AKR1E2: variants seen among roughly 807,000 people sequenced by gnomAD.
AKR1E2 encodes the protein 1,5-anhydro-D-fructose reductase.
A neutral mutation model predicts 41.9 loss-of-function variants in AKR1E2; 43 were observed. The observed-to-expected ratio is 1.03, with a 90% confidence interval of 0.80 to 1.32. AKR1E2 has a LOEUF of 1.32. Ranked by LOEUF, AKR1E2 falls within the 40% of genes most tolerant of loss-of-function variation. AKR1E2 has a pLI of 0.00. For synonymous variants in AKR1E2, 121 were observed against 138.9 expected (o/e 0.87, Z 0.91); for missense variants, 423 against 396.5 (o/e 1.07, Z -0.57).
At chr10:4,848,820 G>T (rs532135407), downstream of AKR1E2, among the ~76,000 whole-genome samples, 98 of 152,338 alleles carry the variant, frequency 6.4e-4, no homozygotes, top group African/African-American at 2.3e-3. Flanking sequence ...CTAGCTCTGT[G>T]ATCCTGAGCA....
chr10:4,839,648 C>T (rs1833711489), intron 5 of AKR1E2, 81 bp from the exon 6 acceptor site: 1 of 1,341,798 alleles, frequency 7.5e-7, no homozygotes, highest in Admixed American at 1.7e-5. Flanking sequence ...ACAGCCAAGA[C>T]TTTGACGCAG....
downstream of AKR1E2, among the ~76,000 whole-genome samples, chr10:4,848,697 G>A (rs1487308010): frequency 2.0e-5 from 3 of 152,288 alleles, no homozygotes; most frequent in African/African-American, 7.2e-5. Flanking sequence ...CCCAGTGGCT[G>A]AAGGGGACTG....
chr10:4,870,074 C>G, the AKR1E2 span, among the ~76,000 whole-genome samples: 5 of 152,102 alleles, frequency 3.3e-5, no homozygotes, highest in African/African-American at 1.2e-4. Flanking sequence ...TTGATTAATA[C>G]ATAGCATTTT....
chr10:4,837,401 G>A (rs566768932), intron 4 of AKR1E2, 58 bp from the exon 5 acceptor site: 12 of 1,592,448 alleles, frequency 7.5e-6, no homozygotes, highest in African/African-American at 4.0e-5. Flanking sequence ...GCTGAGGGAC[G>A]TAGATTGTCA....
downstream of AKR1E2, among the ~76,000 whole-genome samples, chr10:4,852,330 G>A (rs1311179388): frequency 6.6e-6 from 1 of 152,174 alleles, no homozygotes; most frequent in Non-Finnish European, 1.5e-5. Flanking sequence ...TCAAAGAGCT[G>A]AAGAGCATGA....
In AKR1E2 at chr10:4,847,339, A is replaced by T. The variant is rs1834408526; in HGVS notation, c.920+109A>T. ...CATTTTAGATTAATTAAACTTTCTCATTATAATTCTTTCCTGTTTGAAGAT... is the reference window on the plus strand; with the variant it reads ...CATTTTAGATTAATTAAACTTTCTCTTTATAATTCTTTCCTGTTTGAAGAT... On this transcript the variant is annotated intron_variant, in intron 9 of 9. Transcript: ENST00000298375. 3.9e-6 allele frequency: 6 copies of T among 1,556,698 alleles called. No homozygotes were observed. In the African/African-American group the frequency reaches 6.9e-5, roughly 18 times the overall value.
chr10:4,842,573 T>C (rs1489561771), intron 8 of AKR1E2, 69 bp downstream of exon 8: 1 of 1,430,916 alleles, frequency 7.0e-7, no homozygotes, highest in Non-Finnish European at 9.8e-7. Flanking sequence ...ATGACTGCTG[T>C]AGCATACAGC....
At chr10:4,866,914 G>C in the AKR1E2 span, among the ~76,000 whole-genome samples, 12 of 152,286 alleles carry the variant, frequency 7.9e-5, no homozygotes, top group South Asian at 2.5e-3. Context: ...GATCCATCAA[G>C]TGCAGGATCT....
upstream of AKR1E2, among the ~76,000 whole-genome samples, chr10:4,825,809 A>G (rs1832434295): frequency 6.6e-6 from 1 of 152,196 alleles, no homozygotes; most frequent in Non-Finnish European, 1.5e-5. Context: ...TGGCCCGGCC[A>G]TGGCGAGGCC....
the AKR1E2 span, among the ~76,000 whole-genome samples, chr10:4,861,194 A>G: frequency 2.0e-5 from 3 of 152,206 alleles, no homozygotes; most frequent in East Asian, 1.9e-4. Context: ...TATCATTTTA[A>G]CAACAAAATC....
At chr10:4,828,311 A>G (rs1832706307) in intron 1 of AKR1E2, among the ~76,000 whole-genome samples, 1 of 152,288 alleles carries the variant, frequency 6.6e-6, no homozygotes. Flanking sequence ...GCTGAAGCAC[A>G]AGAGAGCAAG....
rs932643145 is a variant in AKR1E2 at position 4,830,856 on chromosome 10, A to G, written c.207+14A>G. ...ATTGCCACTAAGGTAGGGCTTCTCT[A>G]TGCAAGGCTGGCAGAGCTTGGGTAA... On this transcript the variant is annotated intron_variant, in intron 2 of 9. Transcript: ENST00000298375. The G allele has an allele frequency of 3.7e-6, 6 of 1,613,656 alleles. No individual in the cohort carries two copies. Among genetic ancestry groups the G allele is most frequent in the Admixed American group, 3.3e-5 (2 of 59,992 alleles).
chr10:4,866,332 TTTAAA>T, the AKR1E2 span, among the ~76,000 whole-genome samples: 1 of 152,208 alleles, frequency 6.6e-6, no homozygotes, highest in Non-Finnish European at 1.5e-5. Context: ...CTGGTTTTCT[TTTAAA>T]TTAAACTGCA....
intron 4 of AKR1E2, 63 bp from the exon 5 acceptor site, chr10:4,837,396 G>A: frequency 6.3e-7 from 1 of 1,588,098 alleles, no homozygotes; most frequent in Non-Finnish European, 8.6e-7. Flanking sequence ...GAACTGCTGA[G>A]GGACGTAGAT....
At chr10:4,837,060 C>G (rs1255150046) in intron 4 of AKR1E2, among the ~76,000 whole-genome samples, 6 of 152,158 alleles carry the variant, frequency 3.9e-5, no homozygotes, top group Non-Finnish European at 7.3e-5. Flanking sequence ...GAAAGGTGAA[C>G]AAATAAAATC....
At chr10:4,858,263 G>A in the AKR1E2 span, among the ~76,000 whole-genome samples, 1 of 152,130 alleles carries the variant, frequency 6.6e-6, no homozygotes. Flanking sequence ...TTTGAAAATT[G>A]GAGTCAGTAA....
At chr10:4,856,957 C>T in the AKR1E2 span, among the ~76,000 whole-genome samples, 4 of 152,134 alleles carry the variant, frequency 2.6e-5, no homozygotes, top group Non-Finnish European at 5.9e-5. Flanking sequence ...GTATTTTCAT[C>T]TTCTCCAGCT....
At chr10:4,858,733 G>C in the AKR1E2 span, among the ~76,000 whole-genome samples, 39 of 152,140 alleles carry the variant, frequency 2.6e-4, no homozygotes, top group South Asian at 1.0e-3. Flanking sequence ...CACAACCAGA[G>C]ACTAGAATGC....
At chr10:4,858,194 G>A in the AKR1E2 span, among the ~76,000 whole-genome samples, 2 of 152,104 alleles carry the variant, frequency 1.3e-5, no homozygotes, top group Non-Finnish European at 2.9e-5. Context: ...TTTGTTTGAC[G>A]TAGCTCATAG....
Sources: gnomAD v4.1 joint callset for allele counts (sites outside exome capture counted in the v4.1 genomes callset) on GRCh38, gnomAD v4.1.1 for gene constraint, MANE v1.5 for transcripts, NCBI Gene and HGNC (gene_info 2026-07-23, HGNC 2026-07-21) for gene names.